Variants in USP9X observed in about 807,000 individuals in gnomAD.
USP9X encodes ubiquitin specific peptidase 9 X-linked, also known as ubiquitin carboxyl-terminal hydrolase 9X.
In USP9X, 7 loss-of-function variants were observed where a neutral mutation model predicts 190.3. The observed-to-expected ratio is 0.04, with a 90% CI of 0.02 to 0.07. The LOEUF is 0.07. USP9X is among the 10% of genes least tolerant of loss of function. The pLI is 1.00. For synonymous variants in USP9X, 645 were observed against 659.5 expected (o/e 0.98, Z 0.34); for missense variants, 1,010 against 1,916.9 (o/e 0.53, Z 8.83).
chrX:41,115,568 T>C (rs186063980), intron 1 of USP9X, among the ~76,000 whole-genome samples: 26 of 112,201 alleles, frequency 2.3e-4, no homozygotes, highest in African/African-American at 8.1e-4. Context: ...AAGGAAATAA[T>C]CTGGTAGGGG....
chrX:41,173,458 A>C (rs1282491440), intron 21 of USP9X, among the ~76,000 whole-genome samples: 1 of 112,123 alleles, frequency 8.9e-6, no homozygotes, highest in African/African-American at 3.2e-5. Context: ...AAATACTTAC[A>C]ATCTTACAGA....
At position 41,184,468 on chromosome X, in the gene USP9X, C is replaced by G. The variant is rs2062855823; in HGVS notation, c.3351C>G (p.Phe1117Leu). 1 of 1,211,128 alleles carries G rather than the reference C, an allele frequency of 8.3e-7. No individual in the cohort carries two copies. The highest frequency in any genetic ancestry group is 1.1e-6 in the Non-Finnish European group (1 of 895,300). ...ADDSSDFQFHFLKSGGLPLVL... is the reference protein window; with the variant it reads ...ADDSSDFQFHLLKSGGLPLVL... Reference sequence around the variant, plus strand: ...ATTCCTCTGATTTTCAGTTTCACTTCTTGAAAAGTGGTGGCCTACCCCTTG... The same window carrying G: ...ATTCCTCTGATTTTCAGTTTCACTTGTTGAAAAGTGGTGGCCTACCCCTTG... Residue 1117 changes from phenylalanine (F) to leucine (L), a missense_variant, in exon 23 of 45, where the codon TTC becomes TTG. Coordinates refer to ENST00000378308, the MANE Select transcript of USP9X (RefSeq NM_001039591.3).
intron 21 of USP9X, among the ~76,000 whole-genome samples, chrX:41,179,763 G>A (rs752995082): frequency 8.1e-5 from 9 of 111,409 alleles, no homozygotes; most frequent in Non-Finnish European, 1.7e-4. Flanking sequence ...CGAATCATTT[G>A]TGCCTTCCCA....
At chrX:41,224,622 C>T (rs895787636) in intron 39 of USP9X, 120 bp from the exon 40 acceptor site, 81 of 618,955 alleles carry the variant, frequency 1.3e-4, no homozygotes, top group Non-Finnish European at 1.7e-4. Flanking sequence ...GGCGACAGAG[C>T]GAGACTCCAT....
Position 41,140,748 on chromosome X carries a change from T to A in USP9X, c.747T>A (p.Val249=), listed in dbSNP as rs2062415662. ...TTATTAATGGATCAGCATTAAACGT[T>A]CAAATAATTGCAGCCCTTATTAAGT... ...DRFINGSALN[V]QIIAALIKPF... is the part of the protein sequence containing the mutation. The change falls in exon 7 of 45, where the codon GTT becomes GTA. Residue 249 remains valine, a synonymous_variant. Transcript: ENST00000378308. The A allele has an allele frequency of 5.0e-6, 6 of 1,200,059 alleles. No individual in the cohort carries two copies. In the East Asian group the frequency reaches 1.8e-4, roughly 36 times the overall value.
chrX:41,204,956 A>G (rs12837663), intron 31 of USP9X: 28,592 of 129,808 alleles, frequency 0.22, 2,885 homozygotes, highest in Non-Finnish European at 0.3. Context: ...CCATTCACAC[A>G]TAAAGAAACT....
chrX:41,106,488 C>G lies in USP9X; in HGVS notation c.-158-16983C>G, dbSNP rs753079146. Among the ~76,000 whole-genome samples the G allele has an allele frequency of 5.7e-5, 6 of 106,179 alleles. No homozygotes were observed. In the East Asian group the frequency reaches 1.7e-3, roughly 31 times the overall value. 92.2% of individuals were successfully genotyped at this position (106,179 alleles called of 115,157 possible). A position where few individuals can be genotyped will look rare whatever the true frequency, so the allele number is the denominator to read the frequency against. On this transcript the variant is annotated intron_variant, in intron 1 of 44. Transcript: ENST00000378308. ...TGAGTTTGTGTCTTGTCATGCTCCTCCGGTTGTCATACTGGAAGTATATTT... is the reference window on the plus strand; with the variant it reads ...TGAGTTTGTGTCTTGTCATGCTCCTGCGGTTGTCATACTGGAAGTATATTT...
chrX:41,186,424 T>C, intron 23 of USP9X, 93 bp from the exon 24 acceptor site: 1 of 1,030,449 alleles, frequency 9.7e-7, no homozygotes, highest in Non-Finnish European at 1.3e-6. Flanking sequence ...AAGGAAGTCG[T>C]TCTGCAGGAG....
At position 41,099,096 on chromosome X, in the gene USP9X, G is replaced by GTTTTTTTTTTTTTTTTT. The variant is rs34179321; in HGVS notation, c.-159+12997_-159+13013dup. ...CACATGCCATAATGCCCAGATAATT[G>GTTTTTTTTTTTTTTTTT]TTTTTTTTTTTTTTTTTTTTTTTTT... On this transcript the variant is annotated intron_variant, in intron 1 of 44. Coordinates refer to ENST00000378308, the MANE Select transcript of USP9X (RefSeq NM_001039591.3). Among the ~76,000 whole-genome samples the GTTTTTTTTTTTTTTTTT allele has an allele frequency of 3.6e-4, 16 of 44,274 alleles. 1 individual carries two copies. Among genetic ancestry groups the GTTTTTTTTTTTTTTTTT allele is most frequent in the African/African-American group, 9.1e-4 (9 of 9,927 alleles). The allele number at this position is 44,274 out of a possible 115,157, so 38.4% of individuals were successfully genotyped here. A position where few individuals can be genotyped will look rare whatever the true frequency, so the allele number is the denominator to read the frequency against.
intron 21 of USP9X, among the ~76,000 whole-genome samples, chrX:41,181,272 C>CTTTTT (rs769952292): frequency 2.4e-4 from 18 of 75,407 alleles, no homozygotes; most frequent in South Asian, 1.5e-3. Context: ...TTTCTCATTT[C>CTTTTT]TTTTTTTTTT....
chrX:41,232,134 T>C (rs1324626711), intron 44 of USP9X, among the ~76,000 whole-genome samples: 1 of 112,033 alleles, frequency 8.9e-6, no homozygotes, highest in Non-Finnish European at 1.9e-5. Flanking sequence ...AAAATCACTT[T>C]GGCCAAAGAT....
In USP9X at chrX:41,233,966, C is replaced by G. The variant is rs923069827; in HGVS notation, c.*1442C>G. Reference sequence around the variant, plus strand: ...TTTATAGAAATTATTTTGCTGAATTCACAAATAGAATTTGATTTAAGAAGA... The same window carrying G: ...TTTATAGAAATTATTTTGCTGAATTGACAAATAGAATTTGATTTAAGAAGA... On this transcript the variant is annotated 3_prime_UTR_variant, in exon 45 of 45. Transcript: ENST00000378308. 3.7e-5 allele frequency: 4 copies of G among 109,407 alleles called. 1 individual carries two copies. The highest frequency in any genetic ancestry group is 6.6e-5 in the African/African-American group (2 of 30,114). The allele number at this position is 109,407 out of a possible 1,213,427, so 9.0% of individuals were successfully genotyped here.
intron 1 of USP9X, among the ~76,000 whole-genome samples, chrX:41,117,623 G>A (rs1757563132): frequency 1.0e-5 from 1 of 100,200 alleles, no homozygotes; most frequent in Non-Finnish European, 2.0e-5. Context: ...TGTTGCCCAG[G>A]CTGGAGTGCA....
At position 41,205,423 on chromosome X, in the gene USP9X, G is replaced by A. The variant is rs1367539979; in HGVS notation, c.4945G>A (p.Val1649Ile). The stretch of plus-strand genomic sequence containing the variant: ...CATTGGTGTCCTAAGACACCTTCAG[G>A]TCATCTTTGGTCATTTAGCTGCTTC... ...YNIGVLRHLQ[V>I]IFGHLAASRL... The change falls in exon 32 of 45, where the codon GTC becomes ATC. Residue 1649 changes from valine to isoleucine, a missense_variant. Around this residue, in one of 11 missense-constraint regions of USP9X, gnomAD observed 120 missense variants for 342.7 expected, o/e 0.35. Transcript: ENST00000378308. The A allele has an allele frequency of 8.3e-7, 1 of 1,208,601 alleles. No homozygotes were observed. The highest frequency in any genetic ancestry group is 1.8e-5 in the African/African-American group (1 of 57,068).
chrX:41,225,230 T>C, intron 41 of USP9X, 93 bp downstream of exon 41: 1 of 799,805 alleles, frequency 1.3e-6, no homozygotes, highest in African/African-American at 2.0e-5. Flanking sequence ...TTTAACCTAT[T>C]GGAGTTCTAG....
chrX:41,143,527 G>A, intron 10 of USP9X, 84 bp downstream of exon 10: 1 of 891,503 alleles, frequency 1.1e-6, no homozygotes, highest in Non-Finnish European at 1.5e-6. Context: ...TCATGAAATG[G>A]ATGCAGGCTT....
intron 14 of USP9X, among the ~76,000 whole-genome samples, chrX:41,160,013 TG>T (rs1336999390): frequency 9.6e-6 from 1 of 103,935 alleles, no homozygotes. Context: ...TATGACTCGA[TG>T]TTTTTTTTTT....
chrX:41,179,917 C>T (rs1312498937), intron 21 of USP9X, among the ~76,000 whole-genome samples: 1 of 111,952 alleles, frequency 8.9e-6, no homozygotes, highest in East Asian at 2.8e-4. Flanking sequence ...ATCTTCACTA[C>T]ACCGTCAGTA....
At chrX:41,199,820 C>T (rs2063026626) in intron 30 of USP9X, among the ~76,000 whole-genome samples, 2 of 111,596 alleles carry the variant, frequency 1.8e-5, no homozygotes, top group African/African-American at 6.5e-5. Context: ...GAAAATCTGG[C>T]TTTGAAGATT....
Sources: allele counts gnomAD v4.1 joint callset (sites outside exome capture counted in the v4.1 genomes callset), GRCh38; gene constraint gnomAD v4.1.1; regional missense constraint gnomAD v4.1.1; transcripts MANE v1.5; gene names NCBI Gene and HGNC (gene_info 2026-07-23, HGNC 2026-07-21).